MED27: variants seen among roughly 807,000 people sequenced by gnomAD.
MED27 encodes the protein mediator complex subunit 27.
In MED27, 30 loss-of-function variants were observed where a neutral mutation model predicts 38.2. The observed-to-expected ratio is 0.79, with a 90% confidence interval of 0.59 to 1.07. MED27 has a LOEUF of 1.07. MED27 is among the 50% of genes least tolerant of loss of function. MED27 has a pLI of 0.00. For missense variants in MED27, 289 were observed against 397.5 expected (o/e 0.73, Z 2.32); for synonymous variants, 122 against 153.5 (o/e 0.79, Z 1.52).
At position 132,003,612 on chromosome 9, in the gene MED27, C is replaced by G. The variant is rs1316644778; in HGVS notation, c.479+10725G>C. Among the ~76,000 whole-genome samples, 1 of 152,162 alleles carries G rather than the reference C, an allele frequency of 6.6e-6. No individual in the cohort carries two copies. The highest frequency in any genetic ancestry group is 1.9e-4 in the East Asian group (1 of 5,194). ...CTCTGCCTGCTCTTCTGGTCTCCCT[C>G]CACAATTGCTGGCACAACATATCCA... On this transcript the variant is annotated intron_variant, in intron 3 of 7. Coordinates refer to ENST00000292035, the MANE Select transcript of MED27 (RefSeq NM_004269.4). This position sits in a 1 kb window ranked among gnomAD's most constrained non-coding sequence, Gnocchi z 4.2.
chr9:132,038,897 C>T lies in MED27; in HGVS notation c.349-24430G>A, dbSNP rs115174757. Among the ~76,000 whole-genome samples the T allele has an allele frequency of 3.8e-3, 578 of 152,272 alleles. 2 individuals carry two copies. Among genetic ancestry groups the T allele is most frequent in the African/African-American group, 0.012 (481 of 41,544 alleles). ...CGTGGCAGGGCTTCGAACGGAGTGA[C>T]AGGACCTAACTGTCCTTGCTAAATG... On this transcript the variant is annotated intron_variant, in intron 2 of 7. Coordinates refer to ENST00000292035, the MANE Select transcript of MED27 (RefSeq NM_004269.4).
intron 2 of MED27, among the ~76,000 whole-genome samples, chr9:132,066,893 C>T (rs1167112649): frequency 6.6e-6 from 1 of 152,200 alleles, no homozygotes. Flanking sequence ...CACATAGCAG[C>T]CAAAGAACTG....
At chr9:132,038,278 G>A (rs977974435) in intron 2 of MED27, among the ~76,000 whole-genome samples, 2 of 137,410 alleles carry the variant, frequency 1.5e-5, no homozygotes, top group African/African-American at 5.6e-5. Context: ...TGCAAGCTCC[G>A]CCTCCCGGGT....
rs1831772326 is a variant in MED27 at position 131,982,955 on chromosome 9, C to T, written c.479+31382G>A. Among the ~76,000 whole-genome samples, 1 of 152,200 alleles carries T rather than the reference C, an allele frequency of 6.6e-6. No individual in the cohort carries two copies. Among genetic ancestry groups the T allele is most frequent in the South Asian group, 2.1e-4 (1 of 4,834 alleles). The stretch of plus-strand genomic sequence containing the variant: ...TTTCCAACTGTAATGATATTCACCA[C>T]CTGAGGATTTTGTTAAAATGTAGAT... On this transcript the variant is annotated intron_variant, in intron 3 of 7. Transcript: ENST00000292035. This position sits in a 1 kb window ranked among gnomAD's most constrained non-coding sequence, Gnocchi z 4.3.
At chr9:131,895,410 C>A (rs932813400) in intron 4 of MED27, among the ~76,000 whole-genome samples, 1 of 152,166 alleles carries the variant, frequency 6.6e-6, no homozygotes, top group African/African-American at 2.4e-5. Context: ...CTCCGACCTG[C>A]CGTCAGTTTC....
chr9:131,996,914 T>C (rs1231397966), intron 3 of MED27, among the ~76,000 whole-genome samples: 3 of 152,228 alleles, frequency 2.0e-5, no homozygotes, highest in Non-Finnish European at 4.4e-5. Flanking sequence ...GAATACAGTA[T>C]GTAATGCATA....
Position 132,032,060 on chromosome 9 carries a change from G to A in MED27, c.349-17593C>T, listed in dbSNP as rs144008272. On this transcript the variant is annotated intron_variant, in intron 2 of 7. Transcript: ENST00000292035. ...CACTGGTGGGCACTGCCATCAGAAG[G>A]TGGATGTGGTAGGCGAGGCGCTAAG... 1,064 of 152,290 alleles carry A rather than the reference G, an allele frequency of 7.0e-3. 7 individuals are homozygous for A. Among genetic ancestry groups the A allele is most frequent in the Non-Finnish European group, 0.011 (750 of 68,032 alleles). The allele number at this position is 152,290 out of a possible 1,614,324, so 9.4% of individuals were successfully genotyped here. A position where few individuals can be genotyped will look rare whatever the true frequency, so the allele number is the denominator to read the frequency against.
In MED27 at chr9:132,051,961, CA is replaced by C. The variant is rs1313768708; in HGVS notation, c.348+25480del. Among the ~76,000 whole-genome samples, 2 of 152,112 alleles carry C rather than the reference CA, an allele frequency of 1.3e-5. No individual in the cohort carries two copies. Among genetic ancestry groups the C allele is most frequent in the African/African-American group, 4.8e-5 (2 of 41,410 alleles). On this transcript the variant is annotated intron_variant, in intron 2 of 7. Coordinates refer to ENST00000292035, the MANE Select transcript of MED27 (RefSeq NM_004269.4). This position sits in a 1 kb window ranked among gnomAD's most constrained non-coding sequence, Gnocchi z 4.2. Reference sequence around the variant, plus strand: ...ATAGTTGATCAAAAGATGAATAAAACAAAACAACTGTGTTCCAGGAAAAAGG... The same window carrying C: ...ATAGTTGATCAAAAGATGAATAAAACAAACAACTGTGTTCCAGGAAAAAGG...
rs1830357065 is a variant in MED27 at position 131,919,814 on chromosome 9, T to TTC, written c.573+19566_573+19567insGA. 2.0e-5 allele frequency among the ~76,000 whole-genome samples: 3 copies of TTC among 149,992 alleles called. No homozygotes were observed. The South Asian group carries it at 6.3e-4, about 32-fold the overall frequency. ...GAATAATGCATAATTCTTCTTCCTT[T>TTC]TTTTTTTTTTTTGAGATAGGGTCTC... is the stretch of plus-strand genomic sequence containing the variant. On this transcript the variant is annotated intron_variant, in intron 4 of 7. Coordinates refer to ENST00000292035, the MANE Select transcript of MED27 (RefSeq NM_004269.4).
At chr9:131,897,034 A>G (rs574924522) in intron 4 of MED27, among the ~76,000 whole-genome samples, 12 of 152,364 alleles carry the variant, frequency 7.9e-5, no homozygotes, top group Admixed American at 3.3e-4. Flanking sequence ...CCAGTCATGT[A>G]TATTTTCAAA....
chr9:132,060,061 C>T lies in MED27; in HGVS notation c.348+17381G>A, dbSNP rs374344578. Among the ~76,000 whole-genome samples, 17 of 152,306 alleles carry T rather than the reference C, an allele frequency of 1.1e-4. No homozygotes were observed. In the South Asian group the frequency reaches 3.5e-3, roughly 32 times the overall value. ...CAGTAAAGAAACTGCAGAGCTTGGACTTGATCTAGTTACCTAATGCTGCTG... is the reference window on the plus strand; with the variant it reads ...CAGTAAAGAAACTGCAGAGCTTGGATTTGATCTAGTTACCTAATGCTGCTG... On this transcript the variant is annotated intron_variant, in intron 2 of 7. Transcript: ENST00000292035.
intron 3 of MED27, among the ~76,000 whole-genome samples, chr9:131,992,390 A>G (rs2131043614): frequency 6.6e-6 from 1 of 152,150 alleles, no homozygotes; most frequent in South Asian, 2.1e-4. Context: ...CTCTTTTGGT[A>G]CCTTCATTCA....
intron 3 of MED27, among the ~76,000 whole-genome samples, chr9:132,010,169 G>C (rs888204596): frequency 7.9e-5 from 12 of 152,176 alleles, no homozygotes; most frequent in African/African-American, 2.9e-4. Flanking sequence ...GTATTGCCTA[G>C]GTTTTCTTCT....
intron 3 of MED27, among the ~76,000 whole-genome samples, chr9:131,947,731 ATGTTAGTGTGATGCT>A (rs1421811051): frequency 6.6e-6 from 1 of 151,874 alleles, no homozygotes; most frequent in East Asian, 1.9e-4. Context: ...CAGTGATCCC[ATGTTAGTGTGATGCT>A]TAGCAGCTCG....
intron 2 of MED27, among the ~76,000 whole-genome samples, chr9:132,056,475 CA>C (rs1833579976): frequency 6.6e-6 from 1 of 152,194 alleles, no homozygotes; most frequent in African/African-American, 2.4e-5. Flanking sequence ...TCCCAAATCT[CA>C]AAATCCAAAA....
chr9:131,878,310 T>TAAAA (rs201625398), intron 6 of MED27, among the ~76,000 whole-genome samples: 2 of 146,726 alleles, frequency 1.4e-5, no homozygotes, highest in African/African-American at 2.5e-5. Context: ...AATAAATAAA[T>TAAAA]AAAATAAAAA....
intron 4 of MED27, among the ~76,000 whole-genome samples, chr9:131,914,110 G>A (rs192738565): frequency 1.3e-5 from 2 of 152,230 alleles, no homozygotes; most frequent in African/African-American, 4.8e-5. Flanking sequence ...AGGGCAGAGG[G>A]CAGGGACCTG....
At chr9:131,874,649 C>T (rs1476863842) in intron 6 of MED27, among the ~76,000 whole-genome samples, 1 of 152,190 alleles carries the variant, frequency 6.6e-6, no homozygotes, top group African/African-American at 2.4e-5. Flanking sequence ...TTCCAGGGTC[C>T]TGACCGCCTT....
intron 2 of MED27, among the ~76,000 whole-genome samples, chr9:132,033,011 G>T (rs1413449812): frequency 6.6e-6 from 1 of 152,046 alleles, no homozygotes; most frequent in Non-Finnish European, 1.5e-5. Context: ...ATCCACAATT[G>T]GTCTGAACCA....
Sources: gnomAD v4.1 joint callset for allele counts (sites outside exome capture counted in the v4.1 genomes callset) on GRCh38, gnomAD v4.1.1 for gene constraint, Gnocchi (gnomAD v3.1) non-coding constraint, MANE v1.5 for transcripts, NCBI Gene and HGNC (gene_info 2026-07-23, HGNC 2026-07-21) for gene names.